The following TRAPPC9 variants were observed in gnomAD, a reference collection of about 807,000 sequenced individuals.
TRAPPC9 encodes trafficking protein particle complex subunit 9.
TRAPPC9 carries 83 observed loss-of-function variants against 124.0 expected under a neutral mutation model. The observed-to-expected ratio is 0.67, with a 90% CI of 0.56 to 0.80. The LOEUF (loss-of-function observed/expected upper bound fraction) is 0.80, where lower values mean the gene tolerates loss of function less well. TRAPPC9 is among the 30% of genes least tolerant of loss of function. The probability of loss-of-function intolerance (pLI) is 0.00; values close to 1 mark genes in which losing one functional copy is unlikely to be tolerated. For synonymous variants in TRAPPC9, 638 were observed against 617.5 expected, an observed-to-expected ratio of 1.03 and a Z score of -0.49; for missense variants, 1,302 against 1,508.3, an observed-to-expected ratio of 0.86 and a Z score of 2.27.
intron 17 of TRAPPC9, among the ~76,000 whole-genome samples, chr8:140,032,906 A>G (rs1840591798): frequency 6.6e-6 from 1 of 152,200 alleles, no homozygotes; most frequent in Non-Finnish European, 1.5e-5. Context: ...ATATTGTTCA[A>G]CTTTTGGCTT....
intron 21 of TRAPPC9, among the ~76,000 whole-genome samples, chr8:139,787,195 A>C (rs1822319571): frequency 6.6e-6 from 1 of 152,220 alleles, no homozygotes; most frequent in South Asian, 2.1e-4. Context: ...CACCCAGCAC[A>C]GTCACAGCCT....
At chr8:140,002,395 T>C (rs1239941807) in intron 18 of TRAPPC9, among the ~76,000 whole-genome samples, 4 of 152,126 alleles carry the variant, frequency 2.6e-5, no homozygotes, top group African/African-American at 9.7e-5. Context: ...TTTTCCCAAG[T>C]TAATTCATAG....
At chr8:139,815,262 C>T (rs1376870135) in intron 21 of TRAPPC9, among the ~76,000 whole-genome samples, 1 of 152,164 alleles carries the variant, frequency 6.6e-6, no homozygotes, top group East Asian at 1.9e-4. Context: ...GCAGAAGGTG[C>T]GTGTCATCCT....
chr8:140,106,456 G>C (rs1426261186), intron 17 of TRAPPC9, among the ~76,000 whole-genome samples: 1 of 152,240 alleles, frequency 6.6e-6, no homozygotes, highest in Non-Finnish European at 1.5e-5. Flanking sequence ...GAGGAATGCA[G>C]GTCAAGCCAG....
At chr8:140,224,730 C>G (rs1251823728) in intron 16 of TRAPPC9, among the ~76,000 whole-genome samples, 1 of 152,166 alleles carries the variant, frequency 6.6e-6, no homozygotes, top group Admixed American at 6.5e-5. Context: ...CTCTGACAAT[C>G]TGATATCCTA....
Position 139,730,998 on chromosome 8 carries a change from G to C in TRAPPC9, c.*63C>G. ...AGTGAAGGCCTTGCTCATTGCAGGG[G>C]GTGTGGGAGGCCAGGCAGGGTCACC... On this transcript the variant is annotated 3_prime_UTR_variant, in exon 23 of 23. Transcript: ENST00000438773. 1 of 1,578,670 alleles carries C rather than the reference G, an allele frequency of 6.3e-7. No individual in the cohort carries two copies. Among genetic ancestry groups the C allele is most frequent in the Non-Finnish European group, 8.6e-7 (1 of 1,158,878 alleles).
At chr8:140,277,455 T>C (rs1168216301) in intron 14 of TRAPPC9, among the ~76,000 whole-genome samples, 7 of 152,250 alleles carry the variant, frequency 4.6e-5, no homozygotes, top group Admixed American at 2.0e-4. Context: ...CAAAAGTTTA[T>C]AGTCAATGTG....
At chr8:140,176,324 G>A (rs754369500) in intron 17 of TRAPPC9, among the ~76,000 whole-genome samples, 9 of 152,012 alleles carry the variant, frequency 5.9e-5, no homozygotes, top group Admixed American at 1.3e-4. Flanking sequence ...GCCATCTAAC[G>A]TCCCACCCCA....
At chr8:139,743,614 A>C (rs926528457) in intron 21 of TRAPPC9, among the ~76,000 whole-genome samples, 5 of 152,232 alleles carry the variant, frequency 3.3e-5, no homozygotes, top group Admixed American at 6.5e-5. Flanking sequence ...TTAATCAAGG[A>C]GTTTTCTCCC....
chr8:139,758,340 C>T (rs1819995681), intron 21 of TRAPPC9, among the ~76,000 whole-genome samples: 1 of 152,208 alleles, frequency 6.6e-6, no homozygotes, highest in African/African-American at 2.4e-5. Context: ...ACATTTCTTA[C>T]TTGGTGATGA....
intron 20 of TRAPPC9, among the ~76,000 whole-genome samples, chr8:139,898,342 G>C (rs1005339321): frequency 7.2e-5 from 11 of 152,246 alleles, no homozygotes; most frequent in African/African-American, 2.7e-4. Context: ...CTGAGGACAA[G>C]GGGCAGGTTT....
At chr8:139,866,810 T>G (rs918087179) in intron 21 of TRAPPC9, among the ~76,000 whole-genome samples, 1 of 152,098 alleles carries the variant, frequency 6.6e-6, no homozygotes, top group Non-Finnish European at 1.5e-5. Context: ...ATATGTCTAT[T>G]TCCCAGCTCC....
intron 17 of TRAPPC9, among the ~76,000 whole-genome samples, chr8:140,140,412 G>A (rs1456160928): frequency 1.3e-5 from 2 of 152,086 alleles, no homozygotes; most frequent in African/African-American, 2.4e-5. Context: ...GTGTGGTGGT[G>A]GGTTTTTCGG....
intron 21 of TRAPPC9, among the ~76,000 whole-genome samples, chr8:139,735,995 C>T (rs1818141076): frequency 6.6e-6 from 1 of 152,214 alleles, no homozygotes; most frequent in South Asian, 2.1e-4. Flanking sequence ...GGCTGCAGTC[C>T]CAACTTTGCC....
intron 7 of TRAPPC9, among the ~76,000 whole-genome samples, chr8:140,386,350 T>C (rs202153278): frequency 6.6e-6 from 1 of 152,128 alleles, no homozygotes; most frequent in Non-Finnish European, 1.5e-5. Flanking sequence ...AAAGGGTATT[T>C]AATTAGGAAA....
intron 9 of TRAPPC9, among the ~76,000 whole-genome samples, chr8:140,356,554 T>A (rs1316834819): frequency 6.7e-6 from 1 of 149,566 alleles, no homozygotes; most frequent in African/African-American, 2.6e-5. Flanking sequence ...AAAAACACGA[T>A]GCAGCATACG....
At chr8:139,950,039 G>T (rs1246468410) in intron 19 of TRAPPC9, among the ~76,000 whole-genome samples, 2 of 152,180 alleles carry the variant, frequency 1.3e-5, no homozygotes, top group African/African-American at 2.4e-5. Context: ...CAGAACAAAG[G>T]TCTATAAAAT....
chr8:140,270,492 G>A lies in TRAPPC9; in HGVS notation c.2278+5166C>T, dbSNP rs938970466. ...TATGTGCCAGGCCCTGGAAATAGAA[G>A]AGAAAACCCAGTCACTGCCTTGGAG... On this transcript the variant is annotated intron_variant, in intron 15 of 22. Transcript: ENST00000438773. 2.4e-4 allele frequency among the ~76,000 whole-genome samples: 36 copies of A among 152,202 alleles called. 1 individual carries two copies.
At chr8:139,892,606 C>T (rs540995943) in intron 20 of TRAPPC9, among the ~76,000 whole-genome samples, 6 of 152,312 alleles carry the variant, frequency 3.9e-5, no homozygotes, top group African/African-American at 9.6e-5. Flanking sequence ...CAGGCACCCA[C>T]GGTTTATTTT....
Sources: allele counts gnomAD v4.1 joint callset (sites outside exome capture counted in the v4.1 genomes callset), GRCh38; gene constraint gnomAD v4.1.1; transcripts MANE v1.5; gene names NCBI Gene and HGNC (gene_info 2026-07-23, HGNC 2026-07-21).